The following SLC25A24 variants were observed in gnomAD, a reference collection of about 807,000 sequenced individuals.
SLC25A24 encodes the protein mitochondrial adenyl nucleotide antiporter SLC25A24.
In SLC25A24, 49 loss-of-function variants were observed where a neutral mutation model predicts 60.7. That is an observed-to-expected ratio of 0.81 (90% CI 0.64 to 1.02). SLC25A24 has a LOEUF of 1.02. Ranked by LOEUF, SLC25A24 falls within the 50% of genes least tolerant of loss-of-function variation. The probability of loss-of-function intolerance (pLI) is 0.00; values close to 1 mark genes in which losing one functional copy is unlikely to be tolerated. For synonymous variants in SLC25A24, 202 were observed against 200.6 expected (o/e 1.01, Z -0.06); for missense variants, 564 against 586.3 (o/e 0.96, Z 0.39).
chr1:108,186,045 C>A, intron 1 of SLC25A24, 91 bp from the exon 2 acceptor site: 1 of 1,018,264 alleles, frequency 9.8e-7, no homozygotes. Context: ...TAGCTGTTTT[C>A]CTAAAAGACT....
chr1:108,185,878 T>C lies in SLC25A24; in HGVS notation c.260A>G (p.His87Arg), dbSNP rs551037811. The C allele has an allele frequency of 1.2e-4, 192 of 1,591,604 alleles. No individual in the cohort carries two copies. The highest frequency in any genetic ancestry group is 1.6e-4 in the Non-Finnish European group (183 of 1,162,632). ...AAATGCCAATTTCATTTTCTTCTCATGGTCTTTAAGGTACTTCATAAATTC... is the reference window on the plus strand; with the variant it reads ...AAATGCCAATTTCATTTTCTTCTCACGGTCTTTAAGGTACTTCATAAATTC... ...FEEFMKYLKD[H>R]EKKMKLAFKS... The change falls in exon 2 of 10, where the codon CAT (histidine) becomes CGT (arginine). Residue 87 changes from histidine to arginine, a missense_variant. Transcript: ENST00000565488.
At chr1:108,179,291 A>T in intron 3 of SLC25A24, among the ~76,000 whole-genome samples, 1 of 152,160 alleles carries the variant, frequency 6.6e-6, no homozygotes, top group Middle Eastern at 3.2e-3. Flanking sequence ...CCTGTTGGTG[A>T]GGAGTTAAAC....
At chr1:108,149,752 G>C (rs989707431) in intron 6 of SLC25A24, among the ~76,000 whole-genome samples, 1 of 152,002 alleles carries the variant, frequency 6.6e-6, no homozygotes, top group African/African-American at 2.4e-5. Flanking sequence ...GAAGGGAAGG[G>C]GGAAGTCTCA....
chr1:108,143,727 A>G lies in SLC25A24; in HGVS notation c.931-17T>C. ...TTTCATAACCTGGATATAAAAAAAA[A>G]CAAAATATGATTGTTCATATTAACT... On this transcript the variant is annotated splice_polypyrimidine_tract_variant and intron_variant, in intron 7 of 9. Transcript: ENST00000565488. 1 of 1,592,804 alleles carries G rather than the reference A, an allele frequency of 6.3e-7. No homozygotes were observed. Among genetic ancestry groups the G allele is most frequent in the Non-Finnish European group, 8.6e-7 (1 of 1,168,990 alleles).
At chr1:108,153,041 T>A (rs910406806) in intron 6 of SLC25A24, among the ~76,000 whole-genome samples, 2 of 152,072 alleles carry the variant, frequency 1.3e-5, no homozygotes, top group Non-Finnish European at 2.9e-5. Context: ...GAGGCACTCC[T>A]GGGTCATGCA....
intron 1 of SLC25A24, among the ~76,000 whole-genome samples, chr1:108,194,050 C>T (rs757804065): frequency 2.9e-5 from 4 of 138,640 alleles, no homozygotes; most frequent in South Asian, 5.6e-4. Flanking sequence ...ATTGGGTACC[C>T]TAAAAAGTTG....
intron 3 of SLC25A24, among the ~76,000 whole-genome samples, chr1:108,162,645 G>A (rs551210079): frequency 6.6e-6 from 1 of 152,178 alleles, no homozygotes; most frequent in South Asian, 2.1e-4. Context: ...AGGGTTGTTT[G>A]TTTTTTTCTT....
At chr1:108,180,994 A>C (rs934787250) in intron 3 of SLC25A24, among the ~76,000 whole-genome samples, 1 of 152,214 alleles carries the variant, frequency 6.6e-6, no homozygotes, top group Non-Finnish European at 1.5e-5. Context: ...GCAGAATATT[A>C]TATGCTCTAT....
chr1:108,178,746 G>A (rs71655945), intron 3 of SLC25A24, among the ~76,000 whole-genome samples: 21,193 of 151,970 alleles, frequency 0.14, 1,894 homozygotes, highest in Non-Finnish European at 0.2. Flanking sequence ...CCCGGGAGGC[G>A]GAGCTTGCAG....
rs1463247584 is a variant in SLC25A24, at chr1:108,161,167, A to C, written c.510+15T>G. Reference sequence around the variant, plus strand: ...TATAGCTCCAAATAAGTATAAATACATAAAGTAGACTTACTGTAGAATGTT... The same window carrying C: ...TATAGCTCCAAATAAGTATAAATACCTAAAGTAGACTTACTGTAGAATGTT... On this transcript the variant is annotated intron_variant, in intron 4 of 9. Coordinates refer to ENST00000565488, the MANE Select transcript of SLC25A24 (RefSeq NM_013386.5). 2 of 1,319,572 alleles carry C rather than the reference A, an allele frequency of 1.5e-6. No homozygotes were observed. Among genetic ancestry groups the C allele is most frequent in the Admixed American group, 3.4e-5 (2 of 58,150 alleles). 81.7% of individuals were successfully genotyped at this position (1,319,572 alleles called of 1,614,324 possible). A position where few individuals can be genotyped will look rare whatever the true frequency, so the allele number is the denominator to read the frequency against.
chr1:108,192,432 C>A lies in SLC25A24; in HGVS notation c.184-6478G>T. Reference sequence around the variant, plus strand: ...CAACATGTAAATTTTGCCCTCTCTGCCCAATGCCTCTCCAGGGCTCCCAGC... The same window carrying A: ...CAACATGTAAATTTTGCCCTCTCTGACCAATGCCTCTCCAGGGCTCCCAGC... On this transcript the variant is annotated intron_variant, in intron 1 of 9. Coordinates refer to ENST00000565488, the MANE Select transcript of SLC25A24 (RefSeq NM_013386.5). 2 of 1,252,118 alleles carry A rather than the reference C, an allele frequency of 1.6e-6. 1 individual carries two copies. Among genetic ancestry groups the A allele is most frequent in the South Asian group, 2.9e-5 (2 of 67,922 alleles). The allele number at this position is 1,252,118 out of a possible 1,614,324, so 77.6% of individuals were successfully genotyped here.
chr1:108,175,562 G>C (rs918140722), intron 3 of SLC25A24, among the ~76,000 whole-genome samples: 1 of 152,052 alleles, frequency 6.6e-6, no homozygotes, highest in Non-Finnish European at 1.5e-5. Context: ...AGGCATTGTG[G>C]TACAATGCCT....
chr1:108,138,591 C>G (rs924261850), intron 9 of SLC25A24, among the ~76,000 whole-genome samples: 1 of 152,012 alleles, frequency 6.6e-6, no homozygotes, highest in Non-Finnish European at 1.5e-5. Flanking sequence ...GTAGGGTCTA[C>G]GCAACACTAA....
intron 5 of SLC25A24, among the ~76,000 whole-genome samples, chr1:108,155,855 T>A (rs989608101): frequency 3.9e-5 from 6 of 152,164 alleles, no homozygotes; most frequent in Non-Finnish European, 8.8e-5. Context: ...CACCTACAGA[T>A]AAAAACTGAT....
chr1:108,169,081 A>G (rs1571297926), intron 3 of SLC25A24, among the ~76,000 whole-genome samples: 1 of 152,150 alleles, frequency 6.6e-6, no homozygotes, highest in Non-Finnish European at 1.5e-5. Context: ...TCCTTTTCCC[A>G]AAGTTTTGCA....
At chr1:108,159,618 C>T (rs1318484516) in intron 4 of SLC25A24, among the ~76,000 whole-genome samples, 4 of 151,480 alleles carry the variant, frequency 2.6e-5, no homozygotes, top group South Asian at 2.1e-4. Context: ...TGCGGCCTTC[C>T]GCAGTGTTTG....
rs959324971 is a variant in SLC25A24 at position 108,136,509 on chromosome 1, T to G, written c.*144A>C. 8 of 647,002 alleles carry G rather than the reference T, an allele frequency of 1.2e-5. No individual in the cohort carries two copies. Among genetic ancestry groups the G allele is most frequent in the Admixed American group, 3.0e-5 (1 of 32,846 alleles). The allele number at this position is 647,002 out of a possible 1,614,324, so 40.1% of individuals were successfully genotyped here. A position where few individuals can be genotyped will look rare whatever the true frequency, so the allele number is the denominator to read the frequency against. ...TGTACATATAATTTAGCCCAAAAGT[T>G]TGAAGTGACCATTGTTACCATCTTC... On this transcript the variant is annotated 3_prime_UTR_variant, in exon 10 of 10. Transcript: ENST00000565488.
chr1:108,137,640 G>A lies in SLC25A24; in HGVS notation c.1250-803C>T, dbSNP rs1229821924. On this transcript the variant is annotated intron_variant, in intron 9 of 9. Transcript: ENST00000565488. The stretch of plus-strand genomic sequence containing the variant: ...TTAGGTCAGAAATGACAGTCTATCA[G>A]CCATAGACAATCTATCAGCCGTATC... Among the ~76,000 whole-genome samples, 3 of 152,312 alleles carry A rather than the reference G, an allele frequency of 2.0e-5. No individual in the cohort carries two copies. In the East Asian group the frequency reaches 5.8e-4, roughly 29 times the overall value.
At chr1:108,184,701 A>G (rs1271051888) in intron 2 of SLC25A24, among the ~76,000 whole-genome samples, 1 of 152,208 alleles carries the variant, frequency 6.6e-6, no homozygotes, top group East Asian at 1.9e-4. Context: ...CATATTATCC[A>G]TGGCTGCTTT....
Sources: gnomAD v4.1 joint callset for allele counts (sites outside exome capture counted in the v4.1 genomes callset) on GRCh38, gnomAD v4.1.1 for gene constraint, MANE v1.5 for transcripts, NCBI Gene and HGNC (gene_info 2026-07-23, HGNC 2026-07-21) for gene names.